Variants in CNIH4 observed in about 807,000 individuals in gnomAD.
CNIH4 encodes the protein protein cornichon homolog 4.
A neutral mutation model predicts 21.5 loss-of-function variants in CNIH4; 9 were observed. That is an observed-to-expected ratio of 0.42 (90% CI 0.25 to 0.73). The LOEUF is 0.73. Ranked by LOEUF, CNIH4 falls within the 30% of genes least tolerant of loss-of-function variation. CNIH4 has a pLI of 0.27. For missense variants in CNIH4, 159 were observed against 170.0 expected (o/e 0.94, Z 0.36); for synonymous variants, 67 against 59.1 (o/e 1.13, Z -0.61).
At chr1:224,365,492 A>C (rs1672425337) in intron 2 of CNIH4, among the ~76,000 whole-genome samples, 1 of 152,236 alleles carries the variant, frequency 6.6e-6, no homozygotes, top group African/African-American at 2.4e-5. Flanking sequence ...TAACGTTGCT[A>C]TTCTGACTTG....
intron 4 of CNIH4, among the ~76,000 whole-genome samples, chr1:224,375,462 T>C (rs1672752755): frequency 1.3e-5 from 2 of 152,172 alleles, no homozygotes. Context: ...TAAAGGTTTT[T>C]TTTTCTGGAC....
intron 1 of CNIH4, among the ~76,000 whole-genome samples, chr1:224,358,272 C>T (rs1185011832): frequency 1.3e-5 from 2 of 152,336 alleles, no homozygotes; most frequent in South Asian, 2.1e-4. Context: ...CAGTGCCTGC[C>T]CCATAGCTAA....
chr1:224,367,017 A>AATT (rs1345980437), intron 3 of CNIH4, among the ~76,000 whole-genome samples: 14 of 152,018 alleles, frequency 9.2e-5, no homozygotes, highest in African/African-American at 3.4e-4. Flanking sequence ...TTTTTATTTA[A>AATT]TAAATTTAGG....
intron 4 of CNIH4, among the ~76,000 whole-genome samples, chr1:224,373,950 T>C (rs1672709120): frequency 6.6e-6 from 1 of 152,246 alleles, no homozygotes. Context: ...ATGTAACTGG[T>C]TTGCCTGGGC....
chr1:224,359,752 G>C (rs768385405), intron 1 of CNIH4, among the ~76,000 whole-genome samples: 36 of 152,038 alleles, frequency 2.4e-4, no homozygotes, highest in African/African-American at 8.5e-4. Context: ...GAGCGCACTG[G>C]TGTGATTATA....
chr1:224,356,865 G>C, upstream of CNIH4: 1 of 1,436,514 alleles, frequency 7.0e-7, no homozygotes, highest in Non-Finnish European at 9.6e-7. Context: ...GGCCTATCAG[G>C]GGTGGGTCGG....
In CNIH4 at chr1:224,356,886, C is replaced by A; in HGVS notation, c.-39C>A. ...TCAGGGGTGGGTCGGGGCATCCGAG[C>A]GGGTTTGACGGAAGGAGCGGCGGCG... On this transcript the variant is annotated 5_prime_UTR_variant, in exon 1 of 5. Transcript: ENST00000465271. 4 of 1,561,022 alleles carry A rather than the reference C, an allele frequency of 2.6e-6. No homozygotes were observed. Among genetic ancestry groups the A allele is most frequent in the Non-Finnish European group, 3.5e-6 (4 of 1,144,188 alleles).
intron 2 of CNIH4, among the ~76,000 whole-genome samples, chr1:224,361,598 T>C (rs1160682724): frequency 6.6e-6 from 1 of 152,076 alleles, no homozygotes; most frequent in Non-Finnish European, 1.5e-5. Context: ...TGTTTGATTG[T>C]TTGAGGCAGA....
rs1346807494 is a variant in CNIH4, at chr1:224,365,827, C to T, written c.139-52C>T. The T allele has an allele frequency of 2.9e-6, 3 of 1,025,776 alleles. No homozygotes were observed. The African/African-American group carries it at 4.7e-5, about 16-fold the overall frequency. The allele number at this position is 1,025,776 out of a possible 1,614,324, so 63.5% of individuals were successfully genotyped here. ...TTGATTTAGTTTCAAATAACATGTACAGTCAGGAAGGACATAGCAGTGAGA... is the reference window on the plus strand; with the variant it reads ...TTGATTTAGTTTCAAATAACATGTATAGTCAGGAAGGACATAGCAGTGAGA... On this transcript the variant is annotated intron_variant, in intron 2 of 4. Transcript: ENST00000465271.
rs1333039117 is a variant in CNIH4, at chr1:224,376,943, CTG to C, written c.*1125_*1126del. 1.9e-5 allele frequency: 19 copies of C among 979,364 alleles called. No homozygotes were observed. The highest frequency in any genetic ancestry group is 2.2e-5 in the Non-Finnish European group (18 of 824,524). The allele number at this position is 979,364 out of a possible 1,614,324, so 60.7% of individuals were successfully genotyped here. On this transcript the variant is annotated 3_prime_UTR_variant, in exon 5 of 5. Coordinates refer to ENST00000465271, the MANE Select transcript of CNIH4 (RefSeq NM_014184.4). ...GCACTGGCATTTGGGCAAAACATGA[CTG>C]TGTTCTGTGGGAGAATCCAAAGGCA...
chr1:224,373,464 G>T (rs953963729), intron 4 of CNIH4, among the ~76,000 whole-genome samples: 1 of 152,082 alleles, frequency 6.6e-6, no homozygotes, highest in Non-Finnish European at 1.5e-5. Context: ...GAGGTATCTT[G>T]CTTAGTAGAC....
intron 4 of CNIH4, among the ~76,000 whole-genome samples, chr1:224,372,389 T>C (rs74146351): frequency 0.021 from 3,168 of 152,302 alleles, 107 homozygotes; most frequent in African/African-American, 0.072. Flanking sequence ...TTTGAAAAGC[T>C]AGAAGTCAGG....
chr1:224,357,776 G>A (rs1672160374), intron 1 of CNIH4, among the ~76,000 whole-genome samples: 1 of 152,202 alleles, frequency 6.6e-6, no homozygotes, highest in African/African-American at 2.4e-5. Context: ...AACTTAAGTT[G>A]CAGTATTCAA....
In CNIH4 at chr1:224,379,020, A is replaced by C; in HGVS notation, c.*3198A>C. The C allele has an allele frequency of 6.5e-7, 1 of 1,543,022 alleles. No homozygotes were observed. The highest frequency in any genetic ancestry group is 8.8e-7 in the Non-Finnish European group (1 of 1,140,150). On this transcript the variant is annotated 3_prime_UTR_variant, in exon 5 of 5. Coordinates refer to ENST00000465271, the MANE Select transcript of CNIH4 (RefSeq NM_014184.4). The stretch of plus-strand genomic sequence containing the variant: ...ACTACTATCGAGTGCTCCTATGTGC[A>C]TCTTAGTACGTATCATTTTCCCTTG...
chr1:224,375,673 G>T (rs1054075758), intron 4 of CNIH4, 122 bp from the exon 5 acceptor site: 7 of 1,061,444 alleles, frequency 6.6e-6, no homozygotes, highest in Non-Finnish European at 9.6e-6. Context: ...GGGTATGAAT[G>T]ATTGTCTTTT....
chr1:224,372,027 C>A (rs1246197832), intron 4 of CNIH4, among the ~76,000 whole-genome samples: 1 of 152,188 alleles, frequency 6.6e-6, no homozygotes, highest in African/African-American at 2.4e-5. Flanking sequence ...CAGCGACCAT[C>A]CCACTCATGG....
Position 224,379,120 on chromosome 1 carries a change from G to A in CNIH4, c.*3298G>A. ...CGTAACCTCGGCTGAGAAAGAAGAG[G>A]AAGCGAAATCCAAGATGCAGCTCAG... On this transcript the variant is annotated 3_prime_UTR_variant, in exon 5 of 5. Transcript: ENST00000465271. 5 of 1,550,376 alleles carry A rather than the reference G, an allele frequency of 3.2e-6. No individual in the cohort carries two copies. Among genetic ancestry groups the A allele is most frequent in the Non-Finnish European group, 4.4e-6 (5 of 1,146,798 alleles).
intron 1 of CNIH4, among the ~76,000 whole-genome samples, chr1:224,358,359 A>G (rs1301031964): frequency 1.3e-5 from 2 of 152,290 alleles, no homozygotes; most frequent in African/African-American, 2.4e-5. Context: ...GATGATATCT[A>G]ACGACAAGAT....
intron 1 of CNIH4, among the ~76,000 whole-genome samples, chr1:224,358,721 T>G (rs988354434): frequency 2.0e-4 from 30 of 152,344 alleles, no homozygotes; most frequent in Non-Finnish European, 1.5e-4. Flanking sequence ...GAAATGTAGC[T>G]GGGTTTTTTC....
Sources: allele counts gnomAD v4.1 joint callset (sites outside exome capture counted in the v4.1 genomes callset), GRCh38; gene constraint gnomAD v4.1.1; transcripts MANE v1.5; gene names NCBI Gene and HGNC (gene_info 2026-07-23, HGNC 2026-07-21).